The following EBF1 variants were observed in gnomAD, a reference collection of about 807,000 sequenced individuals.
The protein encoded by EBF1 is EBF transcription factor 1, also known as transcription factor COE1.
Under a neutral mutation model 68.4 loss-of-function variants are expected in EBF1, and 10 were observed. The observed-to-expected ratio is 0.15, with a 90% CI of 0.09 to 0.25. The LOEUF is 0.25. Ranked by LOEUF, EBF1 falls within the 10% of genes least tolerant of loss-of-function variation. EBF1 has a pLI of 1.00. For synonymous variants in EBF1, 298 were observed against 299.8 expected (o/e 0.99, Z 0.06); for missense variants, 509 against 794.4 (o/e 0.64, Z 4.32).
At chr5:158,883,193 T>C (rs1799227102) in intron 6 of EBF1, among the ~76,000 whole-genome samples, 1 of 152,180 alleles carries the variant, frequency 6.6e-6, no homozygotes. Flanking sequence ...TGTGTGTATA[T>C]ACATGTATGC....
chr5:158,969,367 C>A (rs1330506468), intron 6 of EBF1, among the ~76,000 whole-genome samples: 1 of 152,150 alleles, frequency 6.6e-6, no homozygotes, highest in East Asian at 1.9e-4. Flanking sequence ...TTTCAGGAAT[C>A]TTAATTTCTG....
intron 15 of EBF1, among the ~76,000 whole-genome samples, chr5:158,702,243 A>G (rs1356467700): frequency 6.6e-6 from 1 of 152,064 alleles, no homozygotes; most frequent in Non-Finnish European, 1.5e-5. Flanking sequence ...TGTTTTTCTT[A>G]TATCTGTGCT....
At chr5:158,755,366 A>C (rs1769844128) in intron 10 of EBF1, among the ~76,000 whole-genome samples, 1 of 152,062 alleles carries the variant, frequency 6.6e-6, no homozygotes, top group African/African-American at 2.4e-5. Context: ...CCATTTACCC[A>C]GATTTCTACC....
chr5:159,095,052 G>A (rs1490656081), intron 4 of EBF1, among the ~76,000 whole-genome samples: 1 of 152,182 alleles, frequency 6.6e-6, no homozygotes, highest in Non-Finnish European at 1.5e-5. Context: ...GGAGGCAAAA[G>A]CAGGAGGGTT....
intron 6 of EBF1, among the ~76,000 whole-genome samples, chr5:159,025,767 G>C (rs1377606523): frequency 6.6e-6 from 1 of 152,180 alleles, no homozygotes; most frequent in African/African-American, 2.4e-5. Flanking sequence ...AGGTCTGCCT[G>C]GATGTTTGAA....
At chr5:159,086,667 TTGG>T (rs770982598) in intron 4 of EBF1, among the ~76,000 whole-genome samples, 3 of 152,166 alleles carry the variant, frequency 2.0e-5, no homozygotes, top group Non-Finnish European at 4.4e-5. Context: ...AGTTCCACTA[TTGG>T]CAACATAAAT....
At chr5:158,741,404 G>A (rs1014964092) in intron 10 of EBF1, among the ~76,000 whole-genome samples, 4 of 151,856 alleles carry the variant, frequency 2.6e-5, no homozygotes, top group East Asian at 1.9e-4. Context: ...GTGAGACCTC[G>A]TCTCTACAAA....
intron 7 of EBF1, among the ~76,000 whole-genome samples, chr5:158,833,946 C>T (rs1249376865): frequency 1.3e-5 from 2 of 152,154 alleles, no homozygotes; most frequent in Non-Finnish European, 2.9e-5. Context: ...GCACGCATTC[C>T]TGCATGTGTG....
At chr5:158,909,947 C>T (rs910944959) in intron 6 of EBF1, among the ~76,000 whole-genome samples, 1 of 90,812 alleles carries the variant, frequency 1.1e-5, no homozygotes, top group African/African-American at 4.5e-5. Flanking sequence ...CAGAACGAGA[C>T]TCTGTCTATA....
chr5:158,952,073 T>C (rs1489567997), intron 6 of EBF1, among the ~76,000 whole-genome samples: 2 of 152,162 alleles, frequency 1.3e-5, no homozygotes, highest in African/African-American at 4.8e-5. Flanking sequence ...CTAACCACGG[T>C]AATGTTCACA....
At position 158,868,438 on chromosome 5, in the gene EBF1, G is replaced by A. The variant is rs1562168301; in HGVS notation, c.555-28328C>T. ...CTTGCATTGCACTTCATCTGGCAGG[G>A]AACATACTGCCCAGTTCAGTCTTTT... On this transcript the variant is annotated intron_variant, in intron 6 of 15. Transcript: ENST00000313708. Among the ~76,000 whole-genome samples the A allele has an allele frequency of 2.0e-5, 3 of 152,170 alleles. No homozygotes were observed. In the South Asian group the frequency reaches 6.2e-4, roughly 32 times the overall value.
intron 8 of EBF1, among the ~76,000 whole-genome samples, chr5:158,808,760 A>G (rs955248744): frequency 6.6e-5 from 10 of 152,100 alleles, no homozygotes; most frequent in Non-Finnish European, 1.5e-4. Context: ...GGAGAAGGAG[A>G]AGGAAAATAG....
Position 158,699,332 on chromosome 5 carries a change from A to G in EBF1, c.1745-190T>C, listed in dbSNP as rs116159251. Among the ~76,000 whole-genome samples, 840 of 148,084 alleles carry G rather than the reference A, an allele frequency of 5.7e-3. 2 individuals are homozygous for G. The highest frequency in any genetic ancestry group is 0.023 in the East Asian group (120 of 5,194). ...ATATACATGTGCTTTATTAAAAATTATAATAAATCAGCATGGGTATGTGTC... is the reference window on the plus strand; with the variant it reads ...ATATACATGTGCTTTATTAAAAATTGTAATAAATCAGCATGGGTATGTGTC... On this transcript the variant is annotated intron_variant, in intron 15 of 15. Transcript: ENST00000313708.
chr5:158,845,002 C>A lies in EBF1; in HGVS notation c.555-4892G>T, dbSNP rs917955456. Among the ~76,000 whole-genome samples the A allele has an allele frequency of 2.0e-5, 3 of 152,086 alleles. No individual in the cohort carries two copies. The East Asian group carries it at 5.8e-4, about 29-fold the overall frequency. On this transcript the variant is annotated intron_variant, in intron 6 of 15. Coordinates refer to ENST00000313708, the MANE Select transcript of EBF1 (RefSeq NM_024007.5). ...GACCAAAAGGCACTTCTGGACTCCC[C>A]CAAAAGGAAAATTAATTCAATTAGT...
chr5:158,821,728 C>CAGA (rs1424330014), intron 8 of EBF1, among the ~76,000 whole-genome samples: 3 of 152,128 alleles, frequency 2.0e-5, no homozygotes, highest in Non-Finnish European at 2.9e-5. Flanking sequence ...AAGTGAGGAT[C>CAGA]AGAATAATTT....
At chr5:159,074,931 G>C (rs146594034) in intron 5 of EBF1, among the ~76,000 whole-genome samples, 1 of 152,166 alleles carries the variant, frequency 6.6e-6, no homozygotes, top group Non-Finnish European at 1.5e-5. Flanking sequence ...AAAGTAACAA[G>C]TAGTTGAAGC....
chr5:158,963,546 CAT>C (rs1434608129), intron 6 of EBF1, among the ~76,000 whole-genome samples: 1 of 152,202 alleles, frequency 6.6e-6, no homozygotes, highest in Non-Finnish European at 1.5e-5. Context: ...ACACACAAAA[CAT>C]ATCACAAAGC....
rs368048570 is a variant in EBF1 at position 159,099,374 on chromosome 5, C to T, written c.105G>A (p.Gly35=). 6.3e-7 allele frequency: 1 copy of T among 1,597,258 alleles called. No individual in the cohort carries two copies. Among genetic ancestry groups the T allele is most frequent in the Non-Finnish European group, 8.5e-7 (1 of 1,172,478 alleles). Residue 35 remains glycine (G), a synonymous_variant, in exon 1 of 16, where the codon GGG becomes GGA. Transcript: ENST00000313708. The stretch of plus-strand genomic sequence containing the variant: ...GCGCCGCCGTGTTGGCGTCCAGCAC[C>T]CCGGCGCCCTGCATCCACGTCCGCA... ...NAVRTWMQGA[G]VLDANTAAQS... is the part of the protein sequence containing the mutation.
chr5:158,788,405 C>T (rs1213743209), intron 9 of EBF1, among the ~76,000 whole-genome samples: 1 of 152,106 alleles, frequency 6.6e-6, no homozygotes, highest in Non-Finnish European at 1.5e-5. Flanking sequence ...AGAAAAGTTA[C>T]TGCAGGTACA....
Sources: gnomAD v4.1 joint callset for allele counts (sites outside exome capture counted in the v4.1 genomes callset) on GRCh38, gnomAD v4.1.1 for gene constraint, MANE v1.5 for transcripts, NCBI Gene and HGNC (gene_info 2026-07-23, HGNC 2026-07-21) for gene names.